CCDC149: variants seen among roughly 807,000 people sequenced by gnomAD.
CCDC149 encodes the protein coiled-coil domain containing 149.
CCDC149 carries 45 observed loss-of-function variants against 59.9 expected under a neutral mutation model. That is an observed-to-expected ratio of 0.75 (90% confidence interval 0.59 to 0.96). The LOEUF (loss-of-function observed/expected upper bound fraction) is 0.96. Ranked by LOEUF, CCDC149 falls within the 40% of genes least tolerant of loss-of-function variation. The probability of loss-of-function intolerance (pLI) is 0.00; values close to 1 mark genes in which losing one functional copy is unlikely to be tolerated. For missense variants in CCDC149, 584 were observed against 664.7 expected, an observed-to-expected ratio of 0.88 and a Z score of 1.33; for synonymous variants, 245 against 260.6, an observed-to-expected ratio of 0.94 and a Z score of 0.58.
chr4:24,947,421 C>CA (rs1426800429), intron 1 of CCDC149, among the ~76,000 whole-genome samples: 13 of 152,312 alleles, frequency 8.5e-5, no homozygotes, highest in African/African-American at 3.1e-4. Flanking sequence ...GAGGCTTCCC[C>CA]AGCCATGCTG....
chr4:24,869,933 T>C (rs775132953), intron 3 of CCDC149, among the ~76,000 whole-genome samples: 2 of 152,212 alleles, frequency 1.3e-5, no homozygotes, highest in Non-Finnish European at 2.9e-5. Context: ...TGCGTGCTAT[T>C]AGACCAGGAA....
intron 1 of CCDC149, among the ~76,000 whole-genome samples, chr4:24,884,852 G>T (rs981360456): frequency 6.6e-6 from 1 of 152,226 alleles, no homozygotes; most frequent in Non-Finnish European, 1.5e-5. Flanking sequence ...ATGGAGGAGA[G>T]AGTGACACAG....
intron 1 of CCDC149, among the ~76,000 whole-genome samples, chr4:24,902,519 C>T (rs114598980): frequency 3.4e-3 from 523 of 152,244 alleles, no homozygotes; most frequent in African/African-American, 0.012. Flanking sequence ...GGAGCATCTC[C>T]GCAAAGGCCA....
chr4:24,916,127 G>A (rs187542175), upstream of CCDC149, among the ~76,000 whole-genome samples: 110 of 152,162 alleles, frequency 7.2e-4, no homozygotes, highest in Non-Finnish European at 1.3e-3. Flanking sequence ...GTATTGAGAC[G>A]TTTGCTTTAG....
intron 2 of CCDC149, among the ~76,000 whole-genome samples, chr4:24,876,247 A>G (rs1719414084): frequency 6.6e-6 from 1 of 150,460 alleles, no homozygotes; most frequent in Admixed American, 6.6e-5. Flanking sequence ...AACACACATG[A>G]ATATGTTCAC....
At chr4:24,809,593 C>G (rs1254618596) in intron 12 of CCDC149, among the ~76,000 whole-genome samples, 2 of 149,402 alleles carry the variant, frequency 1.3e-5, no homozygotes, top group Non-Finnish European at 2.9e-5. Context: ...ATGGCGGAGC[C>G]AGCTCTTAGT....
At chr4:24,844,265 G>C (rs1358315655) in intron 4 of CCDC149, among the ~76,000 whole-genome samples, 1 of 152,096 alleles carries the variant, frequency 6.6e-6, no homozygotes, top group Non-Finnish European at 1.5e-5. Flanking sequence ...AACCGTGTCT[G>C]GCTAACCATA....
At chr4:24,933,694 A>C (rs1722659043) in intron 1 of CCDC149, among the ~76,000 whole-genome samples, 1 of 152,226 alleles carries the variant, frequency 6.6e-6, no homozygotes. Flanking sequence ...ATAAATGAGT[A>C]ATTGTGTAAT....
chr4:24,830,499 C>T (rs947664169), intron 9 of CCDC149: 3 of 152,258 alleles, frequency 2.0e-5, no homozygotes, highest in East Asian at 3.9e-4. Flanking sequence ...GTGCAATCTT[C>T]CCTTCACTCC....
At chr4:24,917,722 C>T (rs1179239449), upstream of CCDC149, among the ~76,000 whole-genome samples, 1 of 152,038 alleles carries the variant, frequency 6.6e-6, no homozygotes, top group South Asian at 2.1e-4. Context: ...ATGCAGCCCA[C>T]GGAAGGAGTT....
intron 1 of CCDC149, among the ~76,000 whole-genome samples, chr4:24,877,838 C>T (rs1485775387): frequency 6.6e-6 from 1 of 152,164 alleles, no homozygotes; most frequent in Admixed American, 6.5e-5. Context: ...TCTGACCCAC[C>T]ATACTGGCCA....
intron 1 of CCDC149, among the ~76,000 whole-genome samples, chr4:24,944,695 G>T (rs973982407): frequency 6.6e-6 from 1 of 152,150 alleles, no homozygotes; most frequent in African/African-American, 2.4e-5. Context: ...AACCACCATG[G>T]CACATGTATA....
At chr4:24,977,676 G>A (rs1724267138) in intron 1 of CCDC149, among the ~76,000 whole-genome samples, 11 of 152,202 alleles carry the variant, frequency 7.2e-5, no homozygotes, top group Admixed American at 7.2e-4. Context: ...TACCCCTAAA[G>A]AGGATAAAAT....
At chr4:24,923,908 C>T (rs1722367878) in intron 1 of CCDC149, among the ~76,000 whole-genome samples, 1 of 152,198 alleles carries the variant, frequency 6.6e-6, no homozygotes, top group Admixed American at 6.5e-5. Flanking sequence ...CCACTCTGAG[C>T]CCTAGATTCC....
rs565762293 is a variant in CCDC149, at chr4:24,848,567, CAAAT to C, written c.372+4501_372+4504del. On this transcript the variant is annotated intron_variant, in intron 4 of 12. Coordinates refer to ENST00000635206, the MANE Select transcript of CCDC149 (RefSeq NM_001330643.2). ...CTGGTGACAGAGTGAGACTCCATCTCAAATAAATAAATAAATAAATAAATAAATA... is the reference window on the plus strand; with the variant it reads ...CTGGTGACAGAGTGAGACTCCATCTCAAATAAATAAATAAATAAATAAATA... Among the ~76,000 whole-genome samples, 509 of 150,392 alleles carry C rather than the reference CAAAT, an allele frequency of 3.4e-3. 1 individual carries two copies. Among genetic ancestry groups the C allele is most frequent in the Non-Finnish European group, 4.6e-3 (312 of 67,694 alleles).
At chr4:24,814,350 G>A (rs560551531) in intron 12 of CCDC149, among the ~76,000 whole-genome samples, 1 of 152,272 alleles carries the variant, frequency 6.6e-6, no homozygotes, top group African/African-American at 2.4e-5. Context: ...ATAGATGTGT[G>A]AATAAATCAA....
intron 1 of CCDC149, among the ~76,000 whole-genome samples, chr4:24,952,303 A>T (rs1425209116): frequency 6.6e-6 from 1 of 151,978 alleles, no homozygotes; most frequent in Non-Finnish European, 1.5e-5. Flanking sequence ...TTTAAAACAT[A>T]TTTTTTGGCT....
chr4:24,814,859 T>C (rs1714910868), intron 12 of CCDC149, among the ~76,000 whole-genome samples: 1 of 152,234 alleles, frequency 6.6e-6, no homozygotes. Context: ...AGCCCCTTCA[T>C]GTCATCCACC....
At chr4:24,873,649 TA>T in intron 3 of CCDC149, 31 bp downstream of exon 3, 6 of 1,489,962 alleles carry the variant, frequency 4.0e-6, no homozygotes, top group Middle Eastern at 1.8e-4. Context: ...TAGGTATCAA[TA>T]AAAAAATCTG....
Sources: allele counts gnomAD v4.1 joint callset (sites outside exome capture counted in the v4.1 genomes callset), GRCh38; gene constraint gnomAD v4.1.1; transcripts MANE v1.5; gene names NCBI Gene and HGNC (gene_info 2026-07-23, HGNC 2026-07-21).